STON1: variants seen among roughly 807,000 people sequenced by gnomAD.
The protein encoded by STON1 is stonin-1.
In STON1, 79 loss-of-function variants were observed where a neutral mutation model predicts 60.9. The ratio of observed to expected loss-of-function variants is 1.30; its 90% CI spans 1.08 to 1.56. The LOEUF is 1.56. Among genes scored for constraint, STON1 ranks in the 40% most tolerant of loss-of-function variants. The pLI is 0.00. For missense variants in STON1, 1,166 were observed against 858.9 expected, an observed-to-expected ratio of 1.36 and a Z score of -4.47; for synonymous variants, 363 against 306.9, an observed-to-expected ratio of 1.18 and a Z score of -1.91.
intron 1 of STON1, among the ~76,000 whole-genome samples, chr2:48,548,326 C>A (rs1282379172): frequency 6.6e-6 from 1 of 152,166 alleles, no homozygotes; most frequent in Non-Finnish European, 1.5e-5. Context: ...TCCTTCCATT[C>A]CACTTTTGTC....
chr2:48,562,215 T>A (rs1489695960), intron 1 of STON1, among the ~76,000 whole-genome samples: 1 of 152,238 alleles, frequency 6.6e-6, no homozygotes, highest in African/African-American at 2.4e-5. Context: ...CTGCAGGTGC[T>A]GTTCTGACTT....
intron 2 of STON1, among the ~76,000 whole-genome samples, chr2:48,586,737 C>T (rs886728254): frequency 2.0e-5 from 3 of 152,024 alleles, no homozygotes; most frequent in South Asian, 2.1e-4. Flanking sequence ...ATGACTGCTA[C>T]AGAATCATAT....
chr2:48,569,160 G>T (rs1673077674), intron 1 of STON1: 1 of 152,172 alleles, frequency 6.6e-6, no homozygotes, highest in Non-Finnish European at 1.5e-5. Context: ...ATGAGTTTGT[G>T]AGTATTAAAT....
chr2:48,547,305 G>T (rs1347630863), intron 1 of STON1, among the ~76,000 whole-genome samples: 1 of 152,198 alleles, frequency 6.6e-6, no homozygotes, highest in Admixed American at 6.5e-5. Flanking sequence ...TTTACATTAA[G>T]TGGCATGAAT....
intron 1 of STON1, among the ~76,000 whole-genome samples, chr2:48,538,068 C>T (rs1255492250): frequency 4.6e-5 from 7 of 151,810 alleles, no homozygotes; most frequent in Admixed American, 4.6e-4. Flanking sequence ...ATTCTCCTGC[C>T]TCAGCCTCCT....
intron 1 of STON1, among the ~76,000 whole-genome samples, chr2:48,572,361 A>G (rs569224875): frequency 6.6e-6 from 1 of 152,230 alleles, no homozygotes; most frequent in East Asian, 1.9e-4. Context: ...GAATAAACTC[A>G]CATCACATTT....
At chr2:48,556,982 C>T (rs1351685334) in intron 1 of STON1, among the ~76,000 whole-genome samples, 1 of 64,960 alleles carries the variant, frequency 1.5e-5, no homozygotes, top group Non-Finnish European at 3.3e-5. Context: ...GCTGACCCCC[C>T]CACCTCCCTC....
At position 48,564,485 on chromosome 2, in the gene STON1, T is replaced by TC. The variant is rs1558604877; in HGVS notation, c.-47-16101dup. ...TCTTCTTCTTCTTCTTCTTCTTTCTTCTTCTTCTTCTTCTTCTTCTTCTTC... is the reference window on the plus strand; with the variant it reads ...TCTTCTTCTTCTTCTTCTTCTTTCTTCCTTCTTCTTCTTCTTCTTCTTCTTC... On this transcript the variant is annotated intron_variant, in intron 1 of 3. Transcript: ENST00000404752. 1.3e-3 allele frequency among the ~76,000 whole-genome samples: 32 copies of TC among 24,694 alleles called. 3 individuals carry two copies. The highest frequency in any genetic ancestry group is 3.2e-3 in the African/African-American group (20 of 6,290). 16.2% of individuals were successfully genotyped at this position (24,694 alleles called of 152,430 possible).
Position 48,595,989 on chromosome 2 carries a change from A to G in STON1, c.*687A>G, listed in dbSNP as rs1250844701. On this transcript the variant is annotated 3_prime_UTR_variant, in exon 4 of 4. Transcript: ENST00000404752. Reference sequence around the variant, plus strand: ...TCTGTTGTCCTACATATTTTAGTATAAATCACTAAGACATATTTCCTTTCA... The same window carrying G: ...TCTGTTGTCCTACATATTTTAGTATGAATCACTAAGACATATTTCCTTTCA... The G allele has an allele frequency of 6.6e-6, 1 of 152,242 alleles. No individual in the cohort carries two copies. Among genetic ancestry groups the G allele is most frequent in the Non-Finnish European group, 1.5e-5 (1 of 68,050 alleles). The allele number at this position is 152,242 out of a possible 1,614,324, so 9.4% of individuals were successfully genotyped here.
At chr2:48,558,770 C>T (rs760356708) in intron 1 of STON1, among the ~76,000 whole-genome samples, 4 of 152,184 alleles carry the variant, frequency 2.6e-5, no homozygotes, top group African/African-American at 7.2e-5. Flanking sequence ...TGCTCCTGAG[C>T]CAGGGCTGCA....
chr2:48,585,174 TC>T (rs971661460), intron 2 of STON1, among the ~76,000 whole-genome samples: 1 of 152,150 alleles, frequency 6.6e-6, no homozygotes, highest in Admixed American at 6.5e-5. Flanking sequence ...CACATTCTGA[TC>T]AACTCTGCTG....
chr2:48,536,257 G>A (rs368763567), intron 1 of STON1, among the ~76,000 whole-genome samples: 3 of 151,976 alleles, frequency 2.0e-5, no homozygotes, highest in East Asian at 3.9e-4. Context: ...GCATGAAAAT[G>A]TCAGAATACG....
chr2:48,564,545 T>C lies in STON1; in HGVS notation c.-47-16042T>C, dbSNP rs56791101. On this transcript the variant is annotated intron_variant, in intron 1 of 3. Coordinates refer to ENST00000404752, the MANE Select transcript of STON1 (RefSeq NM_006873.4). ...TTCTTCTTCTTCTTCTTCTTCTTCT[T>C]CTTCTTCTTCTTCTTCTTCTTCTCC... Among the ~76,000 whole-genome samples, 29 of 53,324 alleles carry C rather than the reference T, an allele frequency of 5.4e-4. 1 individual carries two copies. Among genetic ancestry groups the C allele is most frequent in the African/African-American group, 1.2e-3 (18 of 14,482 alleles). 35.0% of individuals were successfully genotyped at this position (53,324 alleles called of 152,430 possible).
chr2:48,591,074 G>T (rs1384510928), intron 2 of STON1, among the ~76,000 whole-genome samples: 21 of 151,878 alleles, frequency 1.4e-4, no homozygotes, highest in Non-Finnish European at 1.6e-4. Flanking sequence ...AGAGAAAGAG[G>T]CTTGTACAGG....
chr2:48,567,735 C>A (rs1048069149), intron 1 of STON1, among the ~76,000 whole-genome samples: 1 of 152,120 alleles, frequency 6.6e-6, no homozygotes, highest in African/African-American at 2.4e-5. Context: ...TCATAGCAAG[C>A]CCTTAAGAAA....
intron 3 of STON1, among the ~76,000 whole-genome samples, chr2:48,593,757 A>C (rs1019515441): frequency 4.1e-4 from 62 of 152,288 alleles, no homozygotes; most frequent in African/African-American, 1.4e-3. Flanking sequence ...TGGGTTTCCT[A>C]TACTATAGTA....
intron 1 of STON1, among the ~76,000 whole-genome samples, chr2:48,539,543 C>T (rs993816123): frequency 1.1e-4 from 16 of 151,806 alleles, no homozygotes; most frequent in African/African-American, 3.9e-4. Flanking sequence ...GCTCTGTCAC[C>T]CAGGCTGGAG....
Position 48,587,449 on chromosome 2 carries a change from C to A in STON1, c.1931-4204C>A, listed in dbSNP as rs573430696. ...CTGGGACTACAGGTGCGCACCACCA[C>A]GCCTGGCTAATTTTCGTGTTTTTAG... On this transcript the variant is annotated intron_variant, in intron 2 of 3. Transcript: ENST00000404752. Among the ~76,000 whole-genome samples the A allele has an allele frequency of 2.4e-3, 358 of 152,302 alleles. 2 individuals are homozygous for A. Among genetic ancestry groups the A allele is most frequent in the African/African-American group, 8.1e-3 (337 of 41,566 alleles).
intron 1 of STON1, among the ~76,000 whole-genome samples, chr2:48,562,760 C>T (rs1339643050): frequency 6.6e-6 from 1 of 152,142 alleles, no homozygotes; most frequent in Non-Finnish European, 1.5e-5. Flanking sequence ...CAGAAGTTGC[C>T]CATCTTGCCA....
Sources: gnomAD v4.1 joint callset for allele counts (sites outside exome capture counted in the v4.1 genomes callset) on GRCh38, gnomAD v4.1.1 for gene constraint, MANE v1.5 for transcripts, NCBI Gene and HGNC (gene_info 2026-07-23, HGNC 2026-07-21) for gene names.